SLC16A10: variants seen among roughly 807,000 people sequenced by gnomAD.
SLC16A10 encodes the protein solute carrier family 16 member 10, also known as monocarboxylate transporter 10.
Under a neutral mutation model 40.0 loss-of-function variants are expected in SLC16A10, and 27 were observed. That is an observed-to-expected ratio of 0.67 (90% CI 0.50 to 0.93). The LOEUF is 0.93. Ranked by LOEUF, SLC16A10 falls within the 40% of genes least tolerant of loss-of-function variation. SLC16A10 has a pLI of 0.00. For missense variants in SLC16A10, 529 were observed against 658.2 expected, an observed-to-expected ratio of 0.80 and a Z score of 2.15; for synonymous variants, 213 against 249.8, an observed-to-expected ratio of 0.85 and a Z score of 1.39.
intron 3 of SLC16A10, among the ~76,000 whole-genome samples, chr6:111,203,413 A>G (rs1773203235): frequency 6.6e-6 from 1 of 152,164 alleles, no homozygotes; most frequent in African/African-American, 2.4e-5. Flanking sequence ...TTAAATAATC[A>G]TGGCAGTAAC....
intron 1 of SLC16A10, among the ~76,000 whole-genome samples, chr6:111,132,254 GAAAA>G (rs56815804): frequency 0.012 from 1,848 of 152,218 alleles, 25 homozygotes; most frequent in African/African-American, 0.043. Flanking sequence ...GAGTCAAAGA[GAAAA>G]AGAAAGAGAA....
chr6:111,088,956 T>C (rs1770924877), intron 1 of SLC16A10, among the ~76,000 whole-genome samples: 1 of 151,950 alleles, frequency 6.6e-6, no homozygotes, highest in South Asian at 2.1e-4. Context: ...CCCATTTGGG[T>C]GAGAAAACTG....
chr6:111,175,815 C>T (rs1772674690), intron 2 of SLC16A10, among the ~76,000 whole-genome samples: 1 of 151,898 alleles, frequency 6.6e-6, no homozygotes, highest in Non-Finnish European at 1.5e-5. Flanking sequence ...CCTCCTGCCC[C>T]AGCTTCCTGA....
chr6:111,172,292 T>A (rs1772599828), intron 1 of SLC16A10, among the ~76,000 whole-genome samples: 1 of 152,224 alleles, frequency 6.6e-6, no homozygotes, highest in South Asian at 2.1e-4. Flanking sequence ...ACAGACTTGA[T>A]TTCCTCAGCG....
intron 3 of SLC16A10, chr6:111,193,145 C>T (rs906004700): frequency 6.9e-6 from 2 of 290,188 alleles, no homozygotes; most frequent in African/African-American, 2.3e-5. Flanking sequence ...AGCCATCACT[C>T]CTGGTCTCAT....
chr6:111,103,220 G>T (rs1206058918), intron 1 of SLC16A10, among the ~76,000 whole-genome samples: 4 of 151,550 alleles, frequency 2.6e-5, no homozygotes, highest in East Asian at 1.9e-4. Flanking sequence ...ATTTAATTTT[G>T]TTGTTGTTGT....
chr6:111,132,962 C>T (rs144250858), intron 1 of SLC16A10, among the ~76,000 whole-genome samples: 1 of 152,212 alleles, frequency 6.6e-6, no homozygotes, highest in East Asian at 1.9e-4. Flanking sequence ...CAAAAAAACT[C>T]AATCTCAATC....
chr6:111,112,021 T>C (rs996793447), intron 1 of SLC16A10, among the ~76,000 whole-genome samples: 14 of 152,066 alleles, frequency 9.2e-5, no homozygotes, highest in African/African-American at 3.4e-4. Flanking sequence ...TAGATATAGA[T>C]ATAGATATAG....
intron 3 of SLC16A10, among the ~76,000 whole-genome samples, chr6:111,198,340 CT>C (rs1397246695): frequency 6.6e-6 from 1 of 152,164 alleles, no homozygotes; most frequent in Admixed American, 6.5e-5. Context: ...TTCAACTAGC[CT>C]TTTGTTGGGT....
intron 1 of SLC16A10, among the ~76,000 whole-genome samples, chr6:111,156,190 G>T (rs1259906505): frequency 6.6e-6 from 1 of 152,072 alleles, no homozygotes; most frequent in African/African-American, 2.4e-5. Context: ...AATAAATGTG[G>T]GAGACTAGAC....
At chr6:111,126,747 A>G (rs1238968773) in intron 1 of SLC16A10, among the ~76,000 whole-genome samples, 1 of 152,180 alleles carries the variant, frequency 6.6e-6, no homozygotes, top group Non-Finnish European at 1.5e-5. Flanking sequence ...TGGAGGTAGT[A>G]TAGCACTGTG....
intron 4 of SLC16A10, among the ~76,000 whole-genome samples, chr6:111,212,162 T>C (rs1773355917): frequency 6.6e-6 from 1 of 151,808 alleles, no homozygotes; most frequent in Non-Finnish European, 1.5e-5. Context: ...GGCTCTGGAG[T>C]GAGAAGCCAG....
chr6:111,109,680 G>C (rs1457934371), intron 1 of SLC16A10, among the ~76,000 whole-genome samples: 1 of 151,960 alleles, frequency 6.6e-6, no homozygotes, highest in African/African-American at 2.4e-5. Flanking sequence ...TCAAACTCCT[G>C]GCCTCAAGCA....
At chr6:111,126,528 A>G (rs1170512012) in intron 1 of SLC16A10, among the ~76,000 whole-genome samples, 1 of 152,182 alleles carries the variant, frequency 6.6e-6, no homozygotes, top group Non-Finnish European at 1.5e-5. Flanking sequence ...GTGAAGTGTG[A>G]GATTAAAGAG....
chr6:111,139,455 C>G (rs933952620), intron 1 of SLC16A10, among the ~76,000 whole-genome samples: 1 of 152,106 alleles, frequency 6.6e-6, no homozygotes, highest in Admixed American at 6.5e-5. Context: ...GCGCGTGCCA[C>G]CACATCCAGC....
In SLC16A10 at chr6:111,229,327, C is replaced by T. The variant is rs1474611579; in HGVS notation, c.*7092C>T. ...GTTAGAGGTATGCAATTTTTGTTAACATATAAGACTTTAAATTACGAAACT... is the reference window on the plus strand; with the variant it reads ...GTTAGAGGTATGCAATTTTTGTTAATATATAAGACTTTAAATTACGAAACT... On this transcript the variant is annotated 3_prime_UTR_variant, in exon 6 of 6. Transcript: ENST00000368851. 6.6e-6 allele frequency: 1 copy of T among 152,088 alleles called. No individual in the cohort carries two copies. The highest frequency in any genetic ancestry group is 1.5e-5 in the Non-Finnish European group (1 of 68,024). The allele number at this position is 152,088 out of a possible 1,614,324, so 9.4% of individuals were successfully genotyped here.
chr6:111,202,884 C>CA lies in SLC16A10; in HGVS notation c.943-3671dup, dbSNP rs567667458. 9.4e-4 allele frequency among the ~76,000 whole-genome samples: 81 copies of CA among 86,312 alleles called. 3 individuals are homozygous for CA. The highest frequency in any genetic ancestry group is 1.4e-3 in the Admixed American group (11 of 7,742). The allele number at this position is 86,312 out of a possible 152,430, so 56.6% of individuals were successfully genotyped here. A position where few individuals can be genotyped will look rare whatever the true frequency, so the allele number is the denominator to read the frequency against. On this transcript the variant is annotated intron_variant, in intron 3 of 5. Coordinates refer to ENST00000368851, the MANE Select transcript of SLC16A10 (RefSeq NM_018593.5). The stretch of plus-strand genomic sequence containing the variant: ...CCTGGGTGACAGAGTGAGACTCCAT[C>CA]AAAAAAAAAAAAAAAAAAAAAAAAA...
chr6:111,156,859 C>T (rs920285079), intron 1 of SLC16A10, among the ~76,000 whole-genome samples: 1 of 152,166 alleles, frequency 6.6e-6, no homozygotes, highest in Non-Finnish European at 1.5e-5. Flanking sequence ...TATATGGGCA[C>T]TCCCTGTACT....
rs1490656679 is a variant in SLC16A10 at position 111,223,731 on chromosome 6, AAAACG to A, written c.*1497_*1501del. On this transcript the variant is annotated 3_prime_UTR_variant, in exon 6 of 6. Transcript: ENST00000368851. ...TTCATTCAGTCATGTCCAGTTATAT[AAAACG>A]TTACTTTCTCATTTTTGAGAAGTTC... 1 of 152,222 alleles carries A rather than the reference AAAACG, an allele frequency of 6.6e-6. No individual in the cohort carries two copies. Among genetic ancestry groups the A allele is most frequent in the Non-Finnish European group, 1.5e-5 (1 of 68,048 alleles). 9.4% of individuals were successfully genotyped at this position (152,222 alleles called of 1,614,324 possible).
Sources: allele counts gnomAD v4.1 joint callset (sites outside exome capture counted in the v4.1 genomes callset), GRCh38; gene constraint gnomAD v4.1.1; transcripts MANE v1.5; gene names NCBI Gene and HGNC (gene_info 2026-07-23, HGNC 2026-07-21).